Variants in FAAH2 observed in about 807,000 individuals in gnomAD.
The protein encoded by FAAH2 is fatty acid amide hydrolase 2.
FAAH2 carries 60 observed loss-of-function variants against 36.9 expected under a neutral mutation model. The observed-to-expected ratio is 1.63, with a 90% CI of 1.32 to 2.02. FAAH2 has a LOEUF of 2.02. Among genes scored for constraint, FAAH2 ranks in the 30% most tolerant of loss-of-function variants. The probability of loss-of-function intolerance (pLI) is 0.00; values close to 1 mark genes in which losing one functional copy is unlikely to be tolerated. For missense variants in FAAH2, 689 were observed against 397.5 expected (o/e 1.73, Z -6.23); for synonymous variants, 214 against 143.8 (o/e 1.49, Z -3.49).
the FAAH2 span, among the ~76,000 whole-genome samples, chrX:57,250,518 C>CA: frequency 1.8e-4 from 20 of 109,281 alleles, no homozygotes; most frequent in African/African-American, 5.0e-4. Context: ...GTGTTCTCAC[C>CA]AAAAAAAATA....
At chrX:57,425,101 C>T (rs1055821995) in intron 7 of FAAH2, among the ~76,000 whole-genome samples, 8 of 111,269 alleles carry the variant, frequency 7.2e-5, no homozygotes, top group Admixed American at 1.9e-4. Flanking sequence ...AAACCTTCAA[C>T]AGTAGACTAG....
At chrX:57,451,622 G>C (rs952166219) in intron 10 of FAAH2, among the ~76,000 whole-genome samples, 2 of 111,289 alleles carry the variant, frequency 1.8e-5, no homozygotes, top group African/African-American at 6.5e-5. Flanking sequence ...CACGCAGTAC[G>C]AACCCCATGA....
chrX:57,460,784 C>A (rs1476626779), intron 10 of FAAH2, among the ~76,000 whole-genome samples: 2 of 111,816 alleles, frequency 1.8e-5, no homozygotes, highest in African/African-American at 3.3e-5. Context: ...ATGACAGAAT[C>A]AATTTCACAC....
chrX:57,427,803 A>G (rs1336185769), intron 7 of FAAH2, among the ~76,000 whole-genome samples: 2 of 106,531 alleles, frequency 1.9e-5, no homozygotes, highest in African/African-American at 6.6e-5. Context: ...CCTTATACTG[A>G]ATGGGGAAAA....
chrX:57,285,886 A>G (rs2051803069), upstream of FAAH2, among the ~76,000 whole-genome samples: 6 of 112,146 alleles, frequency 5.4e-5, no homozygotes, highest in Admixed American at 4.7e-4. Flanking sequence ...AGGCAGAGTG[A>G]TCAGCTAGAT....
At chrX:57,359,606 T>C (rs976175519) in intron 5 of FAAH2, among the ~76,000 whole-genome samples, 2 of 111,935 alleles carry the variant, frequency 1.8e-5, no homozygotes, top group African/African-American at 6.5e-5. Context: ...TCTGCCCCTC[T>C]TTATGTTATT....
chrX:57,354,628 T>G (rs1296680392), intron 5 of FAAH2, among the ~76,000 whole-genome samples: 1 of 110,746 alleles, frequency 9.0e-6, no homozygotes, highest in Non-Finnish European at 1.9e-5. Context: ...TCACCAAGTT[T>G]GTCTGTGTTG....
chrX:57,360,503 G>T, intron 5 of FAAH2, among the ~76,000 whole-genome samples: 1 of 109,535 alleles, frequency 9.1e-6, no homozygotes. Flanking sequence ...CTATTCTTCA[G>T]CCTCAGAACT....
intron 8 of FAAH2, among the ~76,000 whole-genome samples, 157 bp from the exon 9 acceptor site, chrX:57,446,767 CTGAG>C (rs1425999971): frequency 9.8e-5 from 11 of 112,004 alleles, no homozygotes; most frequent in Non-Finnish European, 1.3e-4. Context: ...CTTTGTGTGA[CTGAG>C]TAATATTTTA....
chrX:57,166,114 C>A, the FAAH2 span, among the ~76,000 whole-genome samples: 2 of 109,871 alleles, frequency 1.8e-5, no homozygotes, highest in Admixed American at 9.7e-5. Context: ...ATGTGGAATT[C>A]AGCTGGGGGT....
the FAAH2 span, among the ~76,000 whole-genome samples, chrX:57,222,404 G>A: frequency 1.8e-5 from 2 of 111,355 alleles, no homozygotes; most frequent in African/African-American, 6.5e-5. Flanking sequence ...ATGTAAAGTT[G>A]CATTATGTAT....
At chrX:57,429,416 G>A (rs965113236) in intron 7 of FAAH2, among the ~76,000 whole-genome samples, 9 of 109,613 alleles carry the variant, frequency 8.2e-5, no homozygotes, top group African/African-American at 2.7e-4. Flanking sequence ...ACATACAAAT[G>A]GCCAACAAAC....
chrX:57,367,236 C>T (rs1177916598), intron 5 of FAAH2, among the ~76,000 whole-genome samples: 1 of 112,365 alleles, frequency 8.9e-6, no homozygotes, highest in African/African-American at 3.2e-5. Context: ...AACTTAGGAT[C>T]TGTCAGAGGG....
intron 5 of FAAH2, among the ~76,000 whole-genome samples, chrX:57,359,582 T>C (rs1175554903): frequency 8.9e-6 from 1 of 111,984 alleles, no homozygotes; most frequent in East Asian, 2.8e-4. Flanking sequence ...ATGAAAACTT[T>C]ATTCTTGTAC....
At chrX:57,384,036 T>A (rs2054936296) in intron 7 of FAAH2, among the ~76,000 whole-genome samples, 1 of 111,935 alleles carries the variant, frequency 8.9e-6, no homozygotes, top group South Asian at 3.8e-4. Context: ...TACAGCTATC[T>A]GATCTTTGAC....
At chrX:57,416,935 C>T (rs1236122379) in intron 7 of FAAH2, among the ~76,000 whole-genome samples, 2 of 110,570 alleles carry the variant, frequency 1.8e-5, no homozygotes, top group Non-Finnish European at 3.8e-5. Flanking sequence ...TTTCTTCATT[C>T]TTTTTTTTTC....
chrX:57,329,916 T>C (rs1312388013), intron 3 of FAAH2, among the ~76,000 whole-genome samples: 1 of 112,239 alleles, frequency 8.9e-6, no homozygotes, highest in African/African-American at 3.2e-5. Context: ...TGGACACTTA[T>C]CACTTCCCCA....
the FAAH2 span, among the ~76,000 whole-genome samples, chrX:57,260,932 A>G: frequency 2.7e-5 from 3 of 111,980 alleles, no homozygotes; most frequent in African/African-American, 6.5e-5. Flanking sequence ...TAGAAATTTC[A>G]TACACTGCTG....
At chrX:57,251,444 G>C in the FAAH2 span, among the ~76,000 whole-genome samples, 1 of 111,620 alleles carries the variant, frequency 9.0e-6, no homozygotes, top group Non-Finnish European at 1.9e-5. Flanking sequence ...TCAGGAACAA[G>C]ACAAGGATTC....
Sources: gnomAD v4.1 joint callset for allele counts (sites outside exome capture counted in the v4.1 genomes callset) on GRCh38, gnomAD v4.1.1 for gene constraint, MANE v1.5 for transcripts, NCBI Gene and HGNC (gene_info 2026-07-23, HGNC 2026-07-21) for gene names.